Variants in POLR1C observed in about 807,000 individuals in gnomAD.
POLR1C encodes the protein DNA-directed RNA polymerases I and III subunit RPAC1.
POLR1C carries 42 observed loss-of-function variants against 38.3 expected under a neutral mutation model. The observed-to-expected ratio is 1.10, with a 90% confidence interval of 0.86 to 1.42. POLR1C has a LOEUF of 1.42. Ranked by LOEUF, POLR1C falls within the 40% of genes most tolerant of loss-of-function variation. The probability of loss-of-function intolerance (pLI) is 0.00; values close to 1 mark genes in which losing one functional copy is unlikely to be tolerated. For synonymous variants in POLR1C, 163 were observed against 163.9 expected (o/e 0.99, Z 0.04); for missense variants, 507 against 450.5 (o/e 1.13, Z -1.14).
downstream of POLR1C, chr6:43,524,657 T>G: frequency 6.2e-7 from 1 of 1,610,060 alleles, no homozygotes; most frequent in Admixed American, 1.7e-5. Context: ...AGGGATAAAC[T>G]TACTGGATGT....
chr6:43,537,104 C>G (rs1310955906), intron 9 of POLR1C, among the ~76,000 whole-genome samples: 1 of 151,210 alleles, frequency 6.6e-6, no homozygotes. Context: ...GTAGCTGGGA[C>G]TATAAGTGTG....
chr6:43,536,417 CAAA>C (rs34540299), intron 9 of POLR1C, among the ~76,000 whole-genome samples: 1 of 137,420 alleles, frequency 7.3e-6, no homozygotes, highest in East Asian at 2.3e-4. Context: ...TCCAACTCGA[CAAA>C]AAAAAAAAGT....
chr6:43,548,434 A>G, intron 9 of POLR1C: 2 of 1,604,816 alleles, frequency 1.2e-6, no homozygotes, highest in African/African-American at 1.3e-5. Context: ...GTTGCTTCAC[A>G]TGGTTATAAA....
Position 43,553,306 on chromosome 6 carries a change from TAGAA to T in POLR1C, c.*48+2299_*48+2302del, listed in dbSNP as rs754137520. The T allele has an allele frequency of 4.3e-4, 663 of 1,528,186 alleles. 2 individuals carry two copies. Among genetic ancestry groups the T allele is most frequent in the Non-Finnish European group, 5.4e-4 (612 of 1,135,448 alleles). 94.7% of individuals were successfully genotyped at this position (1,528,186 alleles called of 1,614,324 possible). A position where few individuals can be genotyped will look rare whatever the true frequency, so the allele number is the denominator to read the frequency against. On this transcript the variant is annotated intron_variant, in intron 10 of 10. Coordinates refer to the POLR1C transcript ENST00000607635. ...AACAGAGAGATATAGCGTCCCAAAA[TAGAA>T]AGAGAAAAGAAAAGAAAAAGGTCAA...
intron 9 of POLR1C, among the ~76,000 whole-genome samples, chr6:43,548,941 T>C (rs1795096374): frequency 6.6e-6 from 1 of 152,160 alleles, no homozygotes; most frequent in African/African-American, 2.4e-5. Flanking sequence ...AGTTGTAGAA[T>C]TATAGGGGTA....
At chr6:43,538,137 ATCTT>A (rs1794460980) in intron 9 of POLR1C, among the ~76,000 whole-genome samples, 1 of 105,634 alleles carries the variant, frequency 9.5e-6, no homozygotes, top group Non-Finnish European at 1.8e-5. Flanking sequence ...CCTAAGAGAC[ATCTT>A]TTTTTTTTTT....
At position 43,519,368 on chromosome 6, in the gene POLR1C, C is replaced by A. The variant is rs1464384835; in HGVS notation, c.177C>A (p.Asn59Lys). 8 of 1,613,632 alleles carry A rather than the reference C, an allele frequency of 5.0e-6. No homozygotes were observed. The highest frequency in any genetic ancestry group is 6.8e-6 in the Non-Finnish European group (8 of 1,179,636). The change falls in exon 3 of 9, where the codon AAC (asparagine) becomes AAA (lysine). Residue 59 changes from asparagine (N) to lysine (K), a missense_variant. Transcript: ENST00000642195. ...TGGATGTAGTACACATGGATGAAAA[C>A]TCACTGGAGTTTGACATGGTGGGAA... ...FRVDVVHMDENSLEFDMVGID... is the reference protein window; with the variant it reads ...FRVDVVHMDEKSLEFDMVGID...
At chr6:43,525,300 T>G, downstream of POLR1C, 5 of 1,331,774 alleles carry the variant, frequency 3.8e-6, no homozygotes, top group Non-Finnish European at 5.1e-6. Context: ...CCGGAGGGTT[T>G]TTTTTTTTTC....
chr6:43,521,043 A>C lies in POLR1C; in HGVS notation c.917A>C (p.Tyr306Ser), dbSNP rs137871425. ...AGGCTTGCCCGGGTTCGAGATCATT[A>C]TATCTGTGAGTATGAAGTGGTGAGA... ...VVRLARVRDHYIFSVESTGVL... is the reference protein window; with the variant it reads ...VVRLARVRDHSIFSVESTGVL... Residue 306 changes from tyrosine (Y) to serine (S), a missense_variant, in exon 8 of 9, where the codon TAT becomes TCT. Physicochemically the swap from Tyr to Ser is moderately radical, Grantham distance 144. Coordinates refer to ENST00000642195, the MANE Select transcript of POLR1C (RefSeq NM_203290.4). 1.2e-6 allele frequency: 2 copies of C among 1,612,926 alleles called. No homozygotes were observed. The highest frequency in any genetic ancestry group is 1.7e-6 in the Non-Finnish European group (2 of 1,178,868).
chr6:43,554,768 A>G (rs758847477), intron 10 of POLR1C, among the ~76,000 whole-genome samples: 4 of 152,006 alleles, frequency 2.6e-5, no homozygotes, highest in Non-Finnish European at 5.9e-5. Context: ...GCGTAGTCCT[A>G]TTTACTAGTT....
downstream of POLR1C, chr6:43,524,774 G>C: frequency 5.6e-6 from 9 of 1,606,638 alleles, no homozygotes; most frequent in Non-Finnish European, 7.7e-6. Context: ...CAAGAGACTA[G>C]GAGCAGACTG....
downstream of POLR1C, chr6:43,521,533 A>T: frequency 8.2e-7 from 1 of 1,219,890 alleles, no homozygotes; most frequent in Non-Finnish European, 1.1e-6. Context: ...ACTACTTTTG[A>T]GTTTGTTTTT....
At chr6:43,517,455 A>G in intron 2 of POLR1C, 78 bp downstream of exon 2, 1 of 1,268,846 alleles carries the variant, frequency 7.9e-7, no homozygotes, top group South Asian at 1.2e-5. Context: ...TCTGTCTCAG[A>G]AGCTGCTCTT....
intron 9 of POLR1C, chr6:43,546,556 ATT>A (rs1561874805): frequency 6.3e-7 from 1 of 1,594,532 alleles, no homozygotes; most frequent in African/African-American, 1.4e-5. Context: ...GAGAAAAGCC[ATT>A]ATTCTGACTC....
Position 43,544,549 on chromosome 6 carries a change from G to A in POLR1C, c.*5-6419G>A, listed in dbSNP as rs543854509. 2.0e-4 allele frequency among the ~76,000 whole-genome samples: 31 copies of A among 152,282 alleles called. No homozygotes were observed. The East Asian group carries it at 5.6e-3, about 27-fold the overall frequency. ...AGATTCTGGCCACAGGCCTAAAAAG[G>A]TCTAGGTGATTAGCTTCTTGCCCTA... On this transcript the variant is annotated intron_variant, in intron 9 of 10. Transcript: ENST00000607635.
intron 9 of POLR1C, chr6:43,549,413 T>G: frequency 1.4e-6 from 2 of 1,402,466 alleles, no homozygotes; most frequent in Non-Finnish European, 1.9e-6. Flanking sequence ...TTTCTTTATG[T>G]GAGGTACACT....
chr6:43,555,707 T>C, intron 10 of POLR1C: 1 of 1,155,850 alleles, frequency 8.7e-7, no homozygotes, highest in East Asian at 2.7e-5. Context: ...CTCTCCAGGA[T>C]GAGCAAAGCT....
intron 10 of POLR1C, chr6:43,555,692 G>A (rs551036666): frequency 8.4e-6 from 8 of 956,574 alleles, no homozygotes; most frequent in Non-Finnish European, 1.1e-5. Context: ...CAATGAAAAC[G>A]CTCCCTCTCC....
Position 43,520,113 on chromosome 6 carries a change from G to T in POLR1C, c.430G>T (p.Val144Phe). ...EIDTLQFRLQ[V>F]RCTRNPHAAK... is the part of the protein sequence containing the mutation. Reference sequence around the variant, plus strand: ...AGATACTCTACAGTTTCGTCTCCAGGTCAGATGCACTCGGAACCCCCATGC... The same window carrying T: ...AGATACTCTACAGTTTCGTCTCCAGTTCAGATGCACTCGGAACCCCCATGC... Residue 144 changes from valine (V) to phenylalanine (F), a missense_variant, in exon 5 of 9, where the codon GTC becomes TTC. Val to Phe is a conservative substitution (Grantham distance 50, BLOSUM62 -1). Coordinates refer to ENST00000642195, the MANE Select transcript of POLR1C (RefSeq NM_203290.4). 1.2e-6 allele frequency: 2 copies of T among 1,614,206 alleles called. No homozygotes were observed. Among genetic ancestry groups the T allele is most frequent in the Non-Finnish European group, 8.5e-7 (1 of 1,180,038 alleles).
Sources: allele counts gnomAD v4.1 joint callset (sites outside exome capture counted in the v4.1 genomes callset), GRCh38; gene constraint gnomAD v4.1.1; transcripts MANE v1.5; gene names NCBI Gene and HGNC (gene_info 2026-07-23, HGNC 2026-07-21).